SLC25A20: variants seen among roughly 807,000 people sequenced by gnomAD.
The protein encoded by SLC25A20 is mitochondrial carnitine/acylcarnitine carrier protein.
SLC25A20 carries 29 observed loss-of-function variants against 39.7 expected under a neutral mutation model. The ratio of observed to expected loss-of-function variants is 0.73; its 90% CI spans 0.54 to 1.00. The LOEUF (loss-of-function observed/expected upper bound fraction) is 1.00. Among genes scored for constraint, SLC25A20 ranks in the 50% least tolerant of loss-of-function variants. SLC25A20 has a pLI of 0.00. For missense variants in SLC25A20, 333 were observed against 379.9 expected (o/e 0.88, Z 1.03); for synonymous variants, 103 against 142.2 (o/e 0.72, Z 1.96).
intron 1 of SLC25A20, among the ~76,000 whole-genome samples, chr3:48,896,129 G>A (rs2083908220): frequency 6.8e-6 from 1 of 146,500 alleles, no homozygotes; most frequent in African/African-American, 2.5e-5. Context: ...GACAGAGGGA[G>A]AGTCTTGTCT....
intron 4 of SLC25A20, among the ~76,000 whole-genome samples, chr3:48,873,010 G>A (rs916648365): frequency 2.0e-5 from 3 of 151,902 alleles, no homozygotes; most frequent in African/African-American, 4.8e-5. Context: ...AATCACCTGA[G>A]GTCAGGAGTT....
chr3:48,867,522 T>C (rs1304758232), intron 4 of SLC25A20, among the ~76,000 whole-genome samples: 1 of 150,192 alleles, frequency 6.7e-6, no homozygotes, highest in Non-Finnish European at 1.5e-5. Context: ...CCCAAAGTCC[T>C]GGGATTACAG....
chr3:48,882,382 A>G (rs535934242), intron 3 of SLC25A20, among the ~76,000 whole-genome samples: 1 of 152,320 alleles, frequency 6.6e-6, no homozygotes, highest in Admixed American at 6.5e-5. Flanking sequence ...GAAGCACAAC[A>G]AAAGTTGGAA....
At chr3:48,878,516 G>C (rs1233311520) in intron 4 of SLC25A20, among the ~76,000 whole-genome samples, 1 of 149,352 alleles carries the variant, frequency 6.7e-6, no homozygotes, top group African/African-American at 2.5e-5. Context: ...AAAAATTTTT[G>C]GGGCTGGGCG....
At position 48,858,524 on chromosome 3, in the gene SLC25A20, C is replaced by T; in HGVS notation, c.826G>A (p.Ala276Thr). 1 of 1,614,198 alleles carries T rather than the reference C, an allele frequency of 6.2e-7. No homozygotes were observed. Among genetic ancestry groups the T allele is most frequent in the Non-Finnish European group, 8.5e-7 (1 of 1,180,038 alleles). Residue 276 changes from alanine (A) to threonine (T), a missense_variant, in exon 8 of 9, where the codon GCC (alanine) becomes ACC (threonine). Transcript: ENST00000319017. ...YKGFNAVMIR[A>T]FPANAACFLG... ...CTACTCACCGCATTGGCTGGGAAGG[C>T]TCGGATCATCACTGCATTGAACCCT...
At chr3:48,861,479 C>T (rs990100355) in intron 5 of SLC25A20, among the ~76,000 whole-genome samples, 3 of 152,186 alleles carry the variant, frequency 2.0e-5, no homozygotes, top group Non-Finnish European at 4.4e-5. Context: ...ATAATCCTAG[C>T]ACTTTGGGAG....
At chr3:48,879,219 C>T (rs2083782996) in intron 4 of SLC25A20, 139 bp downstream of exon 4, 8 of 775,796 alleles carry the variant, frequency 1.0e-5, no homozygotes, top group Non-Finnish European at 1.9e-5. Flanking sequence ...ACACCTTGGT[C>T]TCCCAAAGTG....
chr3:48,865,267 A>T (rs1387531469), intron 4 of SLC25A20, among the ~76,000 whole-genome samples: 1 of 151,856 alleles, frequency 6.6e-6, no homozygotes, highest in African/African-American at 2.4e-5. Flanking sequence ...AGCTGGGACT[A>T]CAGGCACGTG....
intron 1 of SLC25A20, among the ~76,000 whole-genome samples, chr3:48,898,078 G>C (rs1276538186): frequency 6.6e-6 from 1 of 152,190 alleles, no homozygotes; most frequent in Non-Finnish European, 1.5e-5. Flanking sequence ...CTTGTGCAAA[G>C]CTGATCACCT....
intron 2 of SLC25A20, among the ~76,000 whole-genome samples, chr3:48,890,027 A>C (rs2083861815): frequency 6.6e-6 from 1 of 152,178 alleles, no homozygotes; most frequent in South Asian, 2.1e-4. Flanking sequence ...AGACCATGAA[A>C]GGGAGTCTCC....
chr3:48,897,369 T>TATATATATATA (rs1559673766), intron 1 of SLC25A20, among the ~76,000 whole-genome samples: 1 of 93,330 alleles, frequency 1.1e-5, no homozygotes, highest in African/African-American at 5.6e-5. Context: ...ATATATATAT[T>TATATATATATA]TTTTTTTTTT....
intron 8 of SLC25A20, 149 bp downstream of exon 8, chr3:48,858,358 G>C: frequency 2.5e-6 from 3 of 1,181,050 alleles, no homozygotes; most frequent in Middle Eastern, 2.8e-4. Context: ...ACAGCTTCAA[G>C]GAAGGGAGCA....
At chr3:48,866,557 A>AAAAAAAC (rs1170412426) in intron 4 of SLC25A20, among the ~76,000 whole-genome samples, 2 of 152,166 alleles carry the variant, frequency 1.3e-5, no homozygotes, top group Non-Finnish European at 2.9e-5. Flanking sequence ...CCATCTCAAA[A>AAAAAAAC]AAAAAACAAA....
rs1205051168 is a variant in SLC25A20 at position 48,859,627 on chromosome 3, T to C, written c.536A>G (p.Asp179Gly). The change falls in exon 6 of 9, where the codon GAT becomes GGT. Residue 179 changes from aspartate to glycine, a missense_variant and splice_region_variant. Transcript: ENST00000319017. ...YKGTVLTLMR[D>G]VPASGMYFMT... ...GAAATACATTCCACTAGCTGGGACA[T>C]CTGTTAGTGGCAAGAAAAAGGTGAA... is the stretch of plus-strand genomic sequence containing the variant. The C allele has an allele frequency of 5.0e-6, 8 of 1,610,306 alleles. No homozygotes were observed. Among genetic ancestry groups the C allele is most frequent in the Middle Eastern group, 1.6e-4 (1 of 6,066 alleles).
intron 4 of SLC25A20, among the ~76,000 whole-genome samples, chr3:48,871,812 A>C (rs1240767302): frequency 2.6e-5 from 4 of 151,140 alleles, no homozygotes; most frequent in African/African-American, 9.7e-5. Flanking sequence ...AAATCACACA[A>C]ATATGTCCAA....
chr3:48,881,744 G>A (rs894281348), intron 3 of SLC25A20, among the ~76,000 whole-genome samples: 1 of 152,152 alleles, frequency 6.6e-6, no homozygotes. Context: ...CGGGGGTCAT[G>A]CATGGCCCTG....
rs775269347 is a variant in SLC25A20, at chr3:48,859,567, G to T, written c.596C>A (p.Pro199Gln). Residue 199 changes from proline to glutamine, a missense_variant, in exon 6 of 9, where the codon CCG (proline) becomes CAG (glutamine). By Grantham distance (76) the Pro-to-Gln change is moderately conservative. Coordinates refer to ENST00000319017, the MANE Select transcript of SLC25A20 (RefSeq NM_000387.6). ...TYEWLKNIFT[P>Q]EGKRVSELSA... ...ATGTTTTCCTCACCTCTTTCCCTCC[G>T]GAGTGAAGATATTTTTCAGCCATTC... 6.2e-7 allele frequency: 1 copy of T among 1,613,758 alleles called. No homozygotes were observed. Among genetic ancestry groups the T allele is most frequent in the Non-Finnish European group, 8.5e-7 (1 of 1,179,660 alleles).
intron 4 of SLC25A20, among the ~76,000 whole-genome samples, chr3:48,873,119 G>A (rs1227385670): frequency 1.3e-5 from 2 of 152,096 alleles, no homozygotes; most frequent in Non-Finnish European, 2.9e-5. Context: ...AGCTACTGGG[G>A]AGGCTGAGGC....
chr3:48,894,954 A>G (rs2083901316), intron 1 of SLC25A20, among the ~76,000 whole-genome samples: 1 of 152,102 alleles, frequency 6.6e-6, no homozygotes, highest in African/African-American at 2.4e-5. Context: ...AGTAGCTGGG[A>G]TTACAGGCAT....
Sources: allele counts gnomAD v4.1 joint callset (sites outside exome capture counted in the v4.1 genomes callset), GRCh38; gene constraint gnomAD v4.1.1; transcripts MANE v1.5; gene names NCBI Gene and HGNC (gene_info 2026-07-23, HGNC 2026-07-21).